The following TPO variants were observed in gnomAD, a reference collection of about 807,000 sequenced individuals.
TPO encodes the protein thyroid microsomal antigen.
A neutral mutation model predicts 96.9 loss-of-function variants in TPO; 78 were observed. The ratio of observed to expected loss-of-function variants is 0.81; its 90% CI spans 0.67 to 0.97. The LOEUF (loss-of-function observed/expected upper bound fraction) is 0.97. Ranked by LOEUF, TPO falls within the 50% of genes least tolerant of loss-of-function variation. The pLI, the probability that TPO is intolerant of heterozygous loss-of-function variation, is 0.00. For missense variants in TPO, 1,252 were observed against 1,274.8 expected, an observed-to-expected ratio of 0.98 and a Z score of 0.27; for synonymous variants, 547 against 538.0, an observed-to-expected ratio of 1.02 and a Z score of -0.23.
Position 1,477,403 on chromosome 2 carries a change from C to G in TPO, c.1137C>G (p.Pro379=), listed in dbSNP as rs1274465435. ...PRAPAACAPE[P]GIPGETRGPC... ...CGCCTGCGGCCTGTGCGCCCGAGCC[C>G]GGCATCCCCGGAGAGACCCGCGGGC... Residue 379 remains proline, a synonymous_variant, in exon 8 of 17, where the codon CCC becomes CCG. Transcript: ENST00000329066. 5 of 1,524,706 alleles carry G rather than the reference C, an allele frequency of 3.3e-6. No individual in the cohort carries two copies. The highest frequency in any genetic ancestry group is 2.4e-5 in the South Asian group (2 of 82,522). 94.4% of individuals were successfully genotyped at this position (1,524,706 alleles called of 1,614,324 possible).
intron 3 of TPO, among the ~76,000 whole-genome samples, chr2:1,426,058 G>T (rs1664346958): frequency 6.8e-6 from 1 of 148,012 alleles, no homozygotes; most frequent in Non-Finnish European, 1.5e-5. Flanking sequence ...CTTCCATAAA[G>T]TCATTTTTCT....
intron 7 of TPO, among the ~76,000 whole-genome samples, chr2:1,466,700 T>C (rs1469874143): frequency 6.6e-6 from 1 of 152,202 alleles, no homozygotes; most frequent in East Asian, 1.9e-4. Context: ...GAATGATCTT[T>C]TGTATTTCAG....
intron 15 of TPO, among the ~76,000 whole-genome samples, chr2:1,527,828 A>G (rs72776259): frequency 0.29 from 11,127 of 38,530 alleles, 984 homozygotes; most frequent in Non-Finnish European, 0.32. Flanking sequence ...TCAAATCCCC[A>G]TACTGTGTGC....
chr2:1,447,080 G>A (rs1666897330), intron 5 of TPO, among the ~76,000 whole-genome samples: 1 of 152,158 alleles, frequency 6.6e-6, no homozygotes, highest in South Asian at 2.1e-4. Flanking sequence ...GTTGGCAAGG[G>A]TGTTCCAAAG....
rs28911468 is a variant in TPO at position 1,485,015 on chromosome 2, G to A, written c.1597+161G>A. On this transcript the variant is annotated intron_variant, in intron 9 of 16. Transcript: ENST00000329066. ...GTTGGTTTGCTGTACCCATTAACTC[G>A]TAATTTACATTAGGTATTTCTCCTA... Among the ~76,000 whole-genome samples the A allele has an allele frequency of 3.3e-5, 5 of 152,176 alleles. No homozygotes were observed. In the East Asian group the frequency reaches 7.8e-4, roughly 24 times the overall value.
At chr2:1,427,782 A>C (rs998370052) in intron 3 of TPO, among the ~76,000 whole-genome samples, 1 of 152,166 alleles carries the variant, frequency 6.6e-6, no homozygotes, top group Non-Finnish European at 1.5e-5. Flanking sequence ...CAGTAAATTC[A>C]TTCCCTTTTA....
chr2:1,475,170 T>C (rs756460526), intron 7 of TPO, among the ~76,000 whole-genome samples: 2 of 152,214 alleles, frequency 1.3e-5, no homozygotes, highest in African/African-American at 2.4e-5. Context: ...CTCCTTGTTA[T>C]TTATTTGTAA....
intron 7 of TPO, among the ~76,000 whole-genome samples, chr2:1,462,517 A>AACACACACACACAC (rs35553172): frequency 7.6e-6 from 1 of 131,586 alleles, no homozygotes; most frequent in African/African-American, 3.3e-5. Context: ...TGTGTAGGTA[A>AACACACACACACAC]ACACACACAC....
At chr2:1,472,305 C>A (rs1231309371) in intron 7 of TPO, among the ~76,000 whole-genome samples, 1 of 151,864 alleles carries the variant, frequency 6.6e-6, no homozygotes, top group African/African-American at 2.4e-5. Flanking sequence ...TATGTCCTTC[C>A]CTTGATCCAA....
chr2:1,483,094 C>T (rs377069394), intron 8 of TPO, among the ~76,000 whole-genome samples: 3 of 152,192 alleles, frequency 2.0e-5, no homozygotes, highest in African/African-American at 7.2e-5. Context: ...AGGGATGTTT[C>T]AGATCAGATG....
chr2:1,512,315 T>C (rs1225672788), intron 14 of TPO: 1 of 809,272 alleles, frequency 1.2e-6, no homozygotes, highest in Non-Finnish European at 1.5e-6. Context: ...GTCTCTAGAG[T>C]TGAGACGTTC....
At chr2:1,497,666 C>A (rs1481147726) in intron 13 of TPO, among the ~76,000 whole-genome samples, 1 of 152,146 alleles carries the variant, frequency 6.6e-6, no homozygotes, top group Admixed American at 6.5e-5. Flanking sequence ...AGATGACACT[C>A]ACCAGCAATC....
chr2:1,542,572 C>CTGTT lies in TPO; in HGVS notation c.*100_*103dup, dbSNP rs1558451218. On this transcript the variant is annotated 3_prime_UTR_variant, in exon 17 of 17. Transcript: ENST00000329066. ...GGCAAATCCGAAATCAGCAGGACGA[C>CTGTT]TGTTTTCCCAACACGGGTAAATCTA... The CTGTT allele has an allele frequency of 1.3e-6, 2 of 1,577,840 alleles. No homozygotes were observed. The highest frequency in any genetic ancestry group is 2.3e-5 in the East Asian group (1 of 43,158).
intron 2 of TPO, among the ~76,000 whole-genome samples, chr2:1,422,484 G>T (rs1663858296): frequency 7.1e-6 from 1 of 140,652 alleles, no homozygotes; most frequent in Non-Finnish European, 1.5e-5. Context: ...AAGTATTGAT[G>T]CTACGCAGGT....
intron 14 of TPO, among the ~76,000 whole-genome samples, chr2:1,514,166 G>C (rs1026729452): frequency 6.6e-6 from 1 of 152,158 alleles, no homozygotes; most frequent in Non-Finnish European, 1.5e-5. Context: ...AGATGTCCCA[G>C]CTCAAGCAGA....
chr2:1,415,906 T>C (rs777801905), intron 2 of TPO, among the ~76,000 whole-genome samples: 54 of 152,236 alleles, frequency 3.5e-4, no homozygotes, highest in Admixed American at 6.5e-4. Context: ...GTGAAGTCCA[T>C]AACAGACTCG....
intron 15 of TPO, among the ~76,000 whole-genome samples, chr2:1,518,745 A>T (rs1674954886): frequency 6.6e-6 from 1 of 152,254 alleles, no homozygotes; most frequent in Non-Finnish European, 1.5e-5. Flanking sequence ...CATGTGTCAG[A>T]TGTAATGCTA....
At chr2:1,466,766 CTCT>C (rs1668936043) in intron 7 of TPO, among the ~76,000 whole-genome samples, 1 of 152,126 alleles carries the variant, frequency 6.6e-6, no homozygotes, top group South Asian at 2.1e-4. Flanking sequence ...TTTGGATTTT[CTCT>C]TCTTTTCTTG....
chr2:1,506,458 C>T (rs1274742868), intron 14 of TPO, among the ~76,000 whole-genome samples: 4 of 152,192 alleles, frequency 2.6e-5, no homozygotes, highest in Non-Finnish European at 5.9e-5. Flanking sequence ...GGAATCGCCA[C>T]ACTGCCTTCC....
Sources: gnomAD v4.1 joint callset for allele counts (sites outside exome capture counted in the v4.1 genomes callset) on GRCh38, gnomAD v4.1.1 for gene constraint, MANE v1.5 for transcripts, NCBI Gene and HGNC (gene_info 2026-07-23, HGNC 2026-07-21) for gene names.